The following SIAH3 variants were observed in gnomAD, a reference collection of about 807,000 sequenced individuals.
SIAH3 encodes seven in absentia homolog 3.
In SIAH3, 9 loss-of-function variants were observed where a neutral mutation model predicts 12.6. The observed-to-expected ratio is 0.72, with a 90% CI of 0.43 to 1.25. SIAH3 has a LOEUF of 1.25. Ranked by LOEUF, SIAH3 falls within the 50% of genes most tolerant of loss-of-function variation. The probability of loss-of-function intolerance (pLI) is 0.00; values close to 1 mark genes in which losing one functional copy is unlikely to be tolerated. For synonymous variants in SIAH3, 154 were observed against 151.1 expected (o/e 1.02, Z -0.14); for missense variants, 390 against 365.4 (o/e 1.07, Z -0.55).
rs527911017 is a variant in SIAH3 at position 45,816,714 on chromosome 13, C to G, written c.136-32657G>C. On this transcript the variant is annotated intron_variant, in intron 1 of 1. Transcript: ENST00000400405. Reference sequence around the variant, plus strand: ...AAGGGTTTCTCTTCACTCTGGGCAGCATTTAACTGCCCCTCACCTGCTCCA... The same window carrying G: ...AAGGGTTTCTCTTCACTCTGGGCAGGATTTAACTGCCCCTCACCTGCTCCA... 4.6e-5 allele frequency among the ~76,000 whole-genome samples: 7 copies of G among 152,380 alleles called. No homozygotes were observed. In the South Asian group the frequency reaches 1.2e-3, roughly 27 times the overall value.
At chr13:45,851,392 C>G in intron 1 of SIAH3, 103 bp downstream of exon 1, 1 of 1,493,598 alleles carries the variant, frequency 6.7e-7, no homozygotes, top group Non-Finnish European at 9.2e-7. Context: ...CCCCGAGACC[C>G]GGGTTTGCAA....
At chr13:45,805,011 A>C (rs11618321) in intron 1 of SIAH3, among the ~76,000 whole-genome samples, 4,575 of 118,702 alleles carry the variant, frequency 0.039, 128 homozygotes, top group East Asian at 0.17. Flanking sequence ...CACACACACA[A>C]AATACTTTGG....
intron 1 of SIAH3, among the ~76,000 whole-genome samples, chr13:45,794,552 G>A (rs1291201281): frequency 1.3e-5 from 2 of 152,056 alleles, no homozygotes; most frequent in Non-Finnish European, 2.9e-5. Context: ...ACTGAATCAT[G>A]GGGACGGGTT....
At chr13:45,828,717 A>G (rs1311961111) in intron 1 of SIAH3, among the ~76,000 whole-genome samples, 3 of 152,210 alleles carry the variant, frequency 2.0e-5, no homozygotes, top group Non-Finnish European at 4.4e-5. Flanking sequence ...CCATGACAAT[A>G]AAGGTCTCTT....
intron 1 of SIAH3, among the ~76,000 whole-genome samples, chr13:45,789,357 CATCTATCTATCTATCTATCTATCTATCT>C (rs67992215): frequency 6.6e-4 from 71 of 107,204 alleles, no homozygotes; most frequent in African/African-American, 2.0e-3. Flanking sequence ...GTGTATCTAT[CATCTATCTATCTATCTATCTATCTATCT>C]ATCTATCTAT....
At position 45,826,460 on chromosome 13, in the gene SIAH3, A is replaced by AGTGGGTGCGTGG. The variant is rs1162256365; in HGVS notation, c.135+25034_135+25035insCCACGCACCCAC. Among the ~76,000 whole-genome samples the AGTGGGTGCGTGG allele has an allele frequency of 4.0e-4, 3 of 7,498 alleles. 1 individual carries two copies. The highest frequency in any genetic ancestry group is 6.2e-3 in the South Asian group (2 of 324). 4.9% of individuals were successfully genotyped at this position (7,498 alleles called of 152,430 possible). Reference sequence around the variant, plus strand: ...GGATGCATGGATGGATGGATGGATGAATGGATGGATGGATGGATGGATGGA... The same window carrying AGTGGGTGCGTGG: ...GGATGCATGGATGGATGGATGGATGAGTGGGTGCGTGGATGGATGGATGGATGGATGGATGGA... On this transcript the variant is annotated intron_variant, in intron 1 of 1. Transcript: ENST00000400405.
intron 1 of SIAH3, among the ~76,000 whole-genome samples, chr13:45,847,961 G>A (rs1346448659): frequency 6.6e-6 from 1 of 152,138 alleles, no homozygotes; most frequent in East Asian, 1.9e-4. Context: ...CACCTCTGCA[G>A]ATGGGGCAAA....
intron 1 of SIAH3, among the ~76,000 whole-genome samples, chr13:45,821,648 A>G (rs1306204652): frequency 6.6e-6 from 1 of 152,204 alleles, no homozygotes; most frequent in Non-Finnish European, 1.5e-5. Flanking sequence ...AACTATAGCA[A>G]AGATGCTAAT....
chr13:45,814,082 C>T (rs543280936), intron 1 of SIAH3, among the ~76,000 whole-genome samples: 5 of 151,606 alleles, frequency 3.3e-5, no homozygotes, highest in Admixed American at 1.3e-4. Flanking sequence ...ACTAAAAATA[C>T]GAAAAAATTA....
chr13:45,812,152 C>A (rs1241233942), intron 1 of SIAH3, among the ~76,000 whole-genome samples: 1 of 152,228 alleles, frequency 6.6e-6, no homozygotes, highest in Non-Finnish European at 1.5e-5. Context: ...CCAGGTGATG[C>A]CCACGCTGCC....
At chr13:45,820,231 C>A (rs1950650786) in intron 1 of SIAH3, among the ~76,000 whole-genome samples, 1 of 152,206 alleles carries the variant, frequency 6.6e-6, no homozygotes, top group African/African-American at 2.4e-5. Flanking sequence ...GTTCACAGCA[C>A]CACGAGCGAA....
intron 1 of SIAH3, among the ~76,000 whole-genome samples, chr13:45,825,011 G>A (rs997875835): frequency 2.0e-5 from 3 of 151,750 alleles, no homozygotes; most frequent in African/African-American, 4.8e-5. Flanking sequence ...GTGCTAAAGC[G>A]GTATGCAAAC....
chr13:45,816,174 G>C (rs1342056755), intron 1 of SIAH3, among the ~76,000 whole-genome samples: 2 of 152,234 alleles, frequency 1.3e-5, no homozygotes, highest in Non-Finnish European at 2.9e-5. Context: ...ACCTGAAGGA[G>C]CTGACGTCAA....
intron 1 of SIAH3, among the ~76,000 whole-genome samples, chr13:45,840,852 A>AT (rs1221038006): frequency 6.6e-6 from 1 of 152,190 alleles, no homozygotes; most frequent in Non-Finnish European, 1.5e-5. Context: ...CAGAAATTTA[A>AT]TTTTTAAAAA....
intron 1 of SIAH3, among the ~76,000 whole-genome samples, chr13:45,839,565 G>T (rs899292940): frequency 1.3e-5 from 2 of 152,222 alleles, no homozygotes; most frequent in African/African-American, 2.4e-5. Flanking sequence ...AGGTGCGGTG[G>T]CTCACGCCTG....
At chr13:45,829,529 A>G (rs1251495539) in intron 1 of SIAH3, among the ~76,000 whole-genome samples, 1 of 152,140 alleles carries the variant, frequency 6.6e-6, no homozygotes, top group Admixed American at 6.5e-5. Flanking sequence ...GGATTGCTTG[A>G]GCCCAAAAGG....
chr13:45,787,085 G>T (rs1950530545), intron 1 of SIAH3, among the ~76,000 whole-genome samples: 1 of 152,038 alleles, frequency 6.6e-6, no homozygotes, highest in Admixed American at 6.5e-5. Context: ...TGAAACCCAA[G>T]CAGAAACCTA....
Position 45,782,273 on chromosome 13 carries a change from G to A in SIAH3, c.*1110C>T, listed in dbSNP as rs4942437. ...ACATACTTGAGCCGTGGTCACGTCT[G>A]CGTGCTGAATGGGACGGTAGGAGCA... On this transcript the variant is annotated 3_prime_UTR_variant, in exon 2 of 2. Transcript: ENST00000400405. 36,533 of 151,924 alleles carry A rather than the reference G, an allele frequency of 0.24. 4,852 individuals are homozygous for A. The highest frequency in any genetic ancestry group is 0.41 in the East Asian group (2,115 of 5,138). 9.4% of individuals were successfully genotyped at this position (151,924 alleles called of 1,614,324 possible). A position where few individuals can be genotyped will look rare whatever the true frequency, so the allele number is the denominator to read the frequency against.
chr13:45,836,404 G>A (rs1174455795), intron 1 of SIAH3, among the ~76,000 whole-genome samples: 4 of 152,204 alleles, frequency 2.6e-5, no homozygotes, highest in Non-Finnish European at 5.9e-5. Context: ...CATGTCCTTT[G>A]CAGGGACACA....
Sources: allele counts gnomAD v4.1 joint callset (sites outside exome capture counted in the v4.1 genomes callset), GRCh38; gene constraint gnomAD v4.1.1; transcripts MANE v1.5; gene names NCBI Gene and HGNC (gene_info 2026-07-23, HGNC 2026-07-21).